TNRC6A: variants seen among roughly 807,000 people sequenced by gnomAD.
TNRC6A encodes the protein trinucleotide repeat-containing gene 6A protein.
TNRC6A carries 44 observed loss-of-function variants against 221.2 expected under a neutral mutation model. The observed-to-expected ratio is 0.20, with a 90% CI of 0.16 to 0.26. The LOEUF is 0.26. TNRC6A is among the 10% of genes least tolerant of loss of function. The pLI is 1.00. For synonymous variants in TNRC6A, 847 were observed against 838.5 expected (o/e 1.01, Z -0.18); for missense variants, 2,199 against 2,404.4 (o/e 0.91, Z 1.79).
At chr16:24,729,301 ATTTT>A (rs60592267), upstream of TNRC6A, among the ~76,000 whole-genome samples, 3 of 94,614 alleles carry the variant, frequency 3.2e-5, no homozygotes, top group South Asian at 4.0e-4. Flanking sequence ...GTTTTAGGCA[ATTTT>A]TTTTTTTTTT....
At chr16:24,699,262 G>A (rs2055922418) in intron 2 of TNRC6A, among the ~76,000 whole-genome samples, 1 of 152,204 alleles carries the variant, frequency 6.6e-6, no homozygotes, top group African/African-American at 2.4e-5. Context: ...ACTTAGTGAG[G>A]AGAGAGACAG....
Position 24,729,713 on chromosome 16 carries a change from G to T in TNRC6A, c.-129G>T. ...CGGCGGCGGCGGCGGCGGCGGCGGC[G>T]GCGGCAGCGGGTCGGTGTAGAAAAT... On this transcript the variant is annotated 5_prime_UTR_variant, in exon 1 of 25. Coordinates refer to ENST00000395799, the MANE Select transcript of TNRC6A (RefSeq NM_014494.4). The T allele has an allele frequency of 8.9e-7, 1 of 1,117,404 alleles. No homozygotes were observed. The highest frequency in any genetic ancestry group is 1.2e-6 in the Non-Finnish European group (1 of 867,862). 69.2% of individuals were successfully genotyped at this position (1,117,404 alleles called of 1,614,324 possible).
intron 4 of TNRC6A, among the ~76,000 whole-genome samples, chr16:24,773,019 A>AT (rs946905887): frequency 2.0e-5 from 3 of 151,918 alleles, no homozygotes; most frequent in African/African-American, 4.8e-5. Context: ...TTCCATTTTC[A>AT]TTTTTTTAAT....
intron 2 of TNRC6A, among the ~76,000 whole-genome samples, chr16:24,717,969 G>C (rs2056345291): frequency 6.6e-6 from 1 of 151,852 alleles, no homozygotes; most frequent in South Asian, 2.1e-4. Context: ...AGTAGAGACA[G>C]GGTTTCCCAT....
In TNRC6A at chr16:24,758,467, C is replaced by G. The variant is rs117491798; in HGVS notation, c.163+107C>G. ...GGGAGAGAGAAGAGCATGAAAGAAG[C>G]GGTTGGGATTAGCCTTCTTCAGTAA... On this transcript the variant is annotated intron_variant, in intron 4 of 24. Transcript: ENST00000395799. 996 of 1,203,986 alleles carry G rather than the reference C, an allele frequency of 8.3e-4. 2 individuals carry two copies. The highest frequency in any genetic ancestry group is 1.0e-3 in the Non-Finnish European group (846 of 829,260). The allele number at this position is 1,203,986 out of a possible 1,614,324, so 74.6% of individuals were successfully genotyped here.
chr16:24,799,622 C>T (rs1038885054), intron 11 of TNRC6A, among the ~76,000 whole-genome samples: 2 of 152,180 alleles, frequency 1.3e-5, no homozygotes, highest in African/African-American at 4.8e-5. Flanking sequence ...AATGCTTGGC[C>T]TATACAAATT....
chr16:24,728,026 G>A (rs1474318823), upstream of TNRC6A, among the ~76,000 whole-genome samples: 1 of 152,014 alleles, frequency 6.6e-6, no homozygotes, highest in Non-Finnish European at 1.5e-5. Context: ...ATCAGTTAAC[G>A]TTTTGGTGCA....
chr16:24,691,875 A>G (rs1263856286), intron 2 of TNRC6A, among the ~76,000 whole-genome samples: 1 of 152,158 alleles, frequency 6.6e-6, no homozygotes, highest in Non-Finnish European at 1.5e-5. Flanking sequence ...CAGAAAAGAG[A>G]AGCCCAGGAC....
chr16:24,612,205 T>C (rs1018066566), intron 1 of TNRC6A, among the ~76,000 whole-genome samples: 1 of 152,198 alleles, frequency 6.6e-6, no homozygotes, highest in African/African-American at 2.4e-5. Flanking sequence ...TTTGGTTCAC[T>C]GTCATCTGAG....
At chr16:24,718,053 C>A (rs973010294) in intron 2 of TNRC6A, among the ~76,000 whole-genome samples, 12 of 152,184 alleles carry the variant, frequency 7.9e-5, no homozygotes, top group African/African-American at 2.4e-4. Context: ...GCTGGGACTA[C>A]AGGCATGTGC....
At chr16:24,690,503 C>T (rs1249052520) in intron 2 of TNRC6A, among the ~76,000 whole-genome samples, 1 of 151,966 alleles carries the variant, frequency 6.6e-6, no homozygotes, top group Non-Finnish European at 1.5e-5. Flanking sequence ...ATAAAATAGC[C>T]TTAATATTCA....
chr16:24,739,582 G>A (rs977492899), intron 2 of TNRC6A, among the ~76,000 whole-genome samples: 6 of 150,054 alleles, frequency 4.0e-5, no homozygotes, highest in African/African-American at 1.2e-4. Flanking sequence ...AGGTTCAAGC[G>A]TTTCTCCTCC....
chr16:24,697,146 T>C (rs778026986), intron 2 of TNRC6A, among the ~76,000 whole-genome samples: 4 of 152,208 alleles, frequency 2.6e-5, no homozygotes, highest in Non-Finnish European at 5.9e-5. Flanking sequence ...GCTAATTTGA[T>C]CATTGCACAT....
chr16:24,678,343 A>C (rs2055462192), intron 2 of TNRC6A, among the ~76,000 whole-genome samples: 3 of 151,646 alleles, frequency 2.0e-5, no homozygotes, highest in Non-Finnish European at 2.9e-5. Context: ...CTATGGCAAA[A>C]GTGATGGAAT....
In TNRC6A at chr16:24,750,736, CAAG is replaced by C. The variant is rs750299837; in HGVS notation, c.73_75del (p.Glu25del). 4.2e-5 allele frequency: 64 copies of C among 1,530,008 alleles called. No homozygotes were observed. The Middle Eastern group carries it at 5.2e-4, about 13-fold the overall frequency. 94.8% of individuals were successfully genotyped at this position (1,530,008 alleles called of 1,614,324 possible). On this transcript the variant is annotated inframe_deletion, in exon 3 of 25. Transcript: ENST00000395799. Reference sequence around the variant, plus strand: ...AACTGTGTGGTTCAGGGATTTAGTGCAAGAAGAAGAACAGTTGATGGAAGAAAA... The same window carrying C: ...AACTGTGTGGTTCAGGGATTTAGTGCAAGAAGAACAGTTGATGGAAGAAAA...
At position 24,806,612 on chromosome 16, in the gene TNRC6A, A is replaced by G. The variant is rs766868331; in HGVS notation, c.4368A>G (p.Gln1456=). The G allele has an allele frequency of 3.3e-5, 54 of 1,614,102 alleles. No homozygotes were observed. Among genetic ancestry groups the G allele is most frequent in the Middle Eastern group, 1.6e-4 (1 of 6,084 alleles). ...GTGTGCAGCAGCAAATGATGCAACA[A>G]TCTCGTCAACTTGATCCAAACCTGT... ...PLSVQQQMMQ[Q]SRQLDPNLLV... The change falls in exon 17 of 25, where the codon CAA becomes CAG. Residue 1456 remains glutamine, a synonymous_variant. Coordinates refer to ENST00000395799, the MANE Select transcript of TNRC6A (RefSeq NM_014494.4).
chr16:24,822,794 GGCAGCAGT>G, intron 23 of TNRC6A, 72 bp from the exon 24 acceptor site: 1 of 1,568,018 alleles, frequency 6.4e-7, no homozygotes, highest in Admixed American at 1.7e-5. Flanking sequence ...AGAGAGGAGG[GGCAGCAGT>G]GCAGCCTGAA....
intron 2 of TNRC6A, among the ~76,000 whole-genome samples, chr16:24,668,411 A>G (rs760309011): frequency 3.1e-4 from 47 of 152,308 alleles, no homozygotes; most frequent in Non-Finnish European, 7.3e-5. Flanking sequence ...ATGTATATGT[A>G]TATTTCAGCG....
At chr16:24,755,059 C>T (rs1331400690) in intron 3 of TNRC6A, among the ~76,000 whole-genome samples, 1 of 152,104 alleles carries the variant, frequency 6.6e-6, no homozygotes, top group African/African-American at 2.4e-5. Flanking sequence ...TCATAGAGGG[C>T]AGTTAGGTGT....
Sources: allele counts gnomAD v4.1 joint callset (sites outside exome capture counted in the v4.1 genomes callset), GRCh38; gene constraint gnomAD v4.1.1; transcripts MANE v1.5; gene names NCBI Gene and HGNC (gene_info 2026-07-23, HGNC 2026-07-21).